SYNE1: variants seen among roughly 807,000 people sequenced by gnomAD.
The protein encoded by SYNE1 is nesprin-1.
Under a neutral mutation model 1,111.0 loss-of-function variants are expected in SYNE1, and 616 were observed. The ratio of observed to expected loss-of-function variants is 0.55; its 90% CI spans 0.52 to 0.59. The LOEUF is 0.59. Among genes scored for constraint, SYNE1 ranks in the 20% least tolerant of loss-of-function variants. The pLI is 0.00. For synonymous variants in SYNE1, 3,855 were observed against 3,825.8 expected (o/e 1.01, Z -0.28); for missense variants, 10,006 against 10,417.0 (o/e 0.96, Z 1.72).
Position 152,492,342 on chromosome 6 carries a change from C to A in SYNE1, c.940-3839G>T, listed in dbSNP as rs955336801. On this transcript the variant is annotated intron_variant, in intron 11 of 145. Coordinates refer to ENST00000367255, the MANE Select transcript of SYNE1 (RefSeq NM_182961.4). ...CAATAATAGAGAAGAGTCAGCCAAGCGGCAACTTATTTCTGAGTTGCAATT... is the reference window on the plus strand; with the variant it reads ...CAATAATAGAGAAGAGTCAGCCAAGAGGCAACTTATTTCTGAGTTGCAATT... 5.3e-5 allele frequency among the ~76,000 whole-genome samples: 8 copies of A among 152,322 alleles called. No individual in the cohort carries two copies. In the East Asian group the frequency reaches 1.2e-3, roughly 22 times the overall value.
At chr6:152,314,918 TGATGA>T (rs1562996447) in intron 87 of SYNE1, among the ~76,000 whole-genome samples, 2 of 44,398 alleles carry the variant, frequency 4.5e-5, no homozygotes, top group Non-Finnish European at 1.3e-4. Flanking sequence ...CTCACTGCAA[TGATGA>T]CGAGGTTGCA....
rs960803591 is a variant in SYNE1 at position 152,326,400 on chromosome 6, G to C, written c.15189C>G (p.Ile5063Met). The change falls in exon 79 of 146, where the codon ATC (isoleucine) becomes ATG (methionine). Residue 5063 changes from isoleucine (I) to methionine (M), a missense_variant. Ile to Met is a conservative substitution (Grantham distance 10). Around this residue, in one of 7 missense-constraint regions of SYNE1, gnomAD observed 4,955 missense variants for 5,017.2 expected, o/e 0.99. Coordinates refer to ENST00000367255, the MANE Select transcript of SYNE1 (RefSeq NM_182961.4). ...CTAGGTCTTCTTTGCCGGTTGGCTT[G>C]ATGAGTGGGTCCAGGGTGGCTACCA... Reference protein sequence around the residue: ...HSLVATLDPLIKPTGKEDLEQ... With the variant: ...HSLVATLDPLMKPTGKEDLEQ... The C allele has an allele frequency of 1.5e-5, 24 of 1,614,078 alleles. No homozygotes were observed. The highest frequency in any genetic ancestry group is 2.7e-5 in the African/African-American group (2 of 74,924).
intron 96 of SYNE1, among the ~76,000 whole-genome samples, chr6:152,283,567 C>T (rs113423931): frequency 0.033 from 4,951 of 152,196 alleles, 256 homozygotes; most frequent in African/African-American, 0.11. Context: ...GACAGAGTCT[C>T]GCTCTGTTGC....
chr6:152,496,084 C>G (rs1385073421), intron 11 of SYNE1, among the ~76,000 whole-genome samples: 1 of 152,148 alleles, frequency 6.6e-6, no homozygotes, highest in Non-Finnish European at 1.5e-5. Flanking sequence ...CATGTGTCTA[C>G]CTGCTAATAG....
In SYNE1 at chr6:152,526,136, T is replaced by G; in HGVS notation, c.169A>C (p.Met57Leu). The G allele has an allele frequency of 6.2e-7, 1 of 1,614,150 alleles. No homozygotes were observed. Among genetic ancestry groups the G allele is most frequent in the Non-Finnish European group, 8.5e-7 (1 of 1,179,998 alleles). ...PMVVDDLFED[M>L]KDGVKLLALL... is the part of the protein sequence containing the mutation. ...GCAAGCAGTTTAACACCATCTTTCA[T>G]GTCTTCAAAAAGATCGTCCACCACC... is the stretch of plus-strand genomic sequence containing the variant. Residue 57 changes from methionine (M) to leucine (L), a missense_variant, in exon 5 of 146, where the codon ATG becomes CTG. Transcript: ENST00000367255.
At chr6:152,425,344 A>C (rs2098335875) in intron 39 of SYNE1, 37 bp downstream of exon 39, 1 of 1,602,912 alleles carries the variant, frequency 6.2e-7, no homozygotes, top group East Asian at 2.2e-5. Context: ...TTAAAAACAA[A>C]TGAACAATAT....
intron 131 of SYNE1, among the ~76,000 whole-genome samples, chr6:152,156,627 A>G (rs2061423964): frequency 6.6e-6 from 1 of 152,192 alleles, no homozygotes; most frequent in Non-Finnish European, 1.5e-5. Context: ...TGCTATAGAA[A>G]TTGTTCTTAT....
chr6:152,200,693 C>T (rs1211215834), intron 127 of SYNE1, among the ~76,000 whole-genome samples: 1 of 152,184 alleles, frequency 6.6e-6, no homozygotes, highest in Non-Finnish European at 1.5e-5. Context: ...CCACACCCGG[C>T]TTCTTTATTT....
intron 75 of SYNE1, among the ~76,000 whole-genome samples, chr6:152,338,817 G>A (rs890424846): frequency 1.3e-5 from 2 of 152,172 alleles, no homozygotes; most frequent in African/African-American, 4.8e-5. Context: ...GAACTAGAAG[G>A]ATTGTGACAG....
At chr6:152,519,394 T>C (rs953627938) in intron 6 of SYNE1, among the ~76,000 whole-genome samples, 1 of 152,160 alleles carries the variant, frequency 6.6e-6, no homozygotes, top group African/African-American at 2.4e-5. Flanking sequence ...TGAAAAATTA[T>C]GAGCCAATAT....
intron 2 of SYNE1, among the ~76,000 whole-genome samples, chr6:152,633,633 G>C (rs1004319441): frequency 1.0e-5 from 1 of 97,580 alleles, no homozygotes; most frequent in Non-Finnish European, 2.1e-5. Flanking sequence ...CAGTTGAAAG[G>C]CATACTCTTC....
chr6:152,242,555 G>T, intron 106 of SYNE1, 115 bp from the exon 107 acceptor site: 1 of 1,112,546 alleles, frequency 9.0e-7, no homozygotes, highest in Non-Finnish European at 1.3e-6. Flanking sequence ...TGCCTTCAGG[G>T]ATGTGCCTCC....
chr6:152,279,916 G>A lies in SYNE1; in HGVS notation c.18382-1636C>T, dbSNP rs1330493218. 3.9e-5 allele frequency among the ~76,000 whole-genome samples: 6 copies of A among 152,002 alleles called. No individual in the cohort carries two copies. The East Asian group carries it at 1.2e-3, about 29-fold the overall frequency. On this transcript the variant is annotated intron_variant, in intron 97 of 145. Coordinates refer to ENST00000367255, the MANE Select transcript of SYNE1 (RefSeq NM_182961.4). ...GCTGAGGGTCTGTGATGCTTTTAGA[G>A]CCCCAAGAAAATGTTTGATTTTAAT...
chr6:152,401,265 T>A lies in SYNE1; in HGVS notation c.6902A>T (p.Asp2301Val). 6.2e-7 allele frequency: 1 copy of A among 1,614,176 alleles called. No individual in the cohort carries two copies. The highest frequency in any genetic ancestry group is 8.5e-7 in the Non-Finnish European group (1 of 1,180,020). The change falls in exon 47 of 146, where the codon GAT becomes GTT. Residue 2301 changes from aspartate (D) to valine (V), a missense_variant. Around this residue, in one of 7 missense-constraint regions of SYNE1, gnomAD observed 4,955 missense variants for 5,017.2 expected, o/e 0.99. Transcript: ENST00000367255. ...CACTTGTGTACTTTGAGCCGTGAAA[T>A]CCTTCAGGGTTCCTTTTGCTACTTC... Reference protein sequence around the residue: ...ITEVAKGTLKDFTAQSTQVEK... With the variant: ...ITEVAKGTLKVFTAQSTQVEK...
intron 41 of SYNE1, among the ~76,000 whole-genome samples, chr6:152,414,668 G>A (rs2098125157): frequency 6.6e-6 from 1 of 152,096 alleles, no homozygotes; most frequent in South Asian, 2.1e-4. Flanking sequence ...TTCTGCACCC[G>A]ATGTGTGACT....
chr6:152,174,665 C>T (rs534686207), intron 130 of SYNE1, among the ~76,000 whole-genome samples: 2 of 152,316 alleles, frequency 1.3e-5, no homozygotes, highest in East Asian at 3.9e-4. Flanking sequence ...GGGCACAGCA[C>T]TCCAGGACAC....
intron 87 of SYNE1, among the ~76,000 whole-genome samples, chr6:152,314,927 G>C (rs368235589): frequency 2.6e-5 from 1 of 38,188 alleles, no homozygotes; most frequent in Non-Finnish European, 7.0e-5. Context: ...ATGATGACGA[G>C]GTTGCAGTGA....
chr6:152,444,297 C>T, intron 30 of SYNE1, 114 bp downstream of exon 30: 1 of 1,203,678 alleles, frequency 8.3e-7, no homozygotes, highest in Non-Finnish European at 1.2e-6. Context: ...ACTCTTCCTT[C>T]CCATGCCCCC....
intron 98 of SYNE1, among the ~76,000 whole-genome samples, chr6:152,277,300 CAG>C (rs2093706889): frequency 9.7e-6 from 1 of 103,502 alleles, no homozygotes; most frequent in African/African-American, 3.8e-5. Context: ...TGTTATGAGA[CAG>C]AGTCTTGCTC....
Sources: gnomAD v4.1 joint callset for allele counts (sites outside exome capture counted in the v4.1 genomes callset) on GRCh38, gnomAD v4.1.1 for gene constraint, gnomAD v4.1.1 regional missense constraint, MANE v1.5 for transcripts, NCBI Gene and HGNC (gene_info 2026-07-23, HGNC 2026-07-21) for gene names.